STIM1: variants seen among roughly 807,000 people sequenced by gnomAD.
The protein encoded by STIM1 is stromal interaction molecule 1.
A neutral mutation model predicts 74.7 loss-of-function variants in STIM1; 25 were observed. The observed-to-expected ratio is 0.33, with a 90% confidence interval of 0.24 to 0.47. The LOEUF (loss-of-function observed/expected upper bound fraction) is 0.47. Among genes scored for constraint, STIM1 ranks in the 20% least tolerant of loss-of-function variants. The pLI is 1.00. For synonymous variants in STIM1, 328 were observed against 348.8 expected, an observed-to-expected ratio of 0.94 and a Z score of 0.66; for missense variants, 728 against 920.8, an observed-to-expected ratio of 0.79 and a Z score of 2.71.
intron 3 of STIM1, among the ~76,000 whole-genome samples, chr11:4,027,436 C>T (rs1459149708): frequency 3.3e-5 from 5 of 152,044 alleles, no homozygotes; most frequent in Admixed American, 6.6e-5. Context: ...CTCAGCCTCC[C>T]GAGTAGCTGG....
intron 3 of STIM1, among the ~76,000 whole-genome samples, chr11:4,032,260 G>A (rs1437270589): frequency 6.6e-6 from 1 of 152,162 alleles, no homozygotes; most frequent in Non-Finnish European, 1.5e-5. Context: ...GGTGAAAACT[G>A]CTTGAGCCCA....
chr11:3,937,892 CT>C (rs920687330), intron 1 of STIM1, among the ~76,000 whole-genome samples: 6 of 151,820 alleles, frequency 4.0e-5, no homozygotes, highest in African/African-American at 7.3e-5. Context: ...GTGTCCCCCC[CT>C]ACCTTTAACT....
rs145365706 is a variant in STIM1, at chr11:3,908,934, T to A, written c.139+52525T>A. ...TGTGTGAGTTCTTCCTGTGCACCAT[T>A]TGACCCATATTTGGCTTGCATACAC... On this transcript the variant is annotated intron_variant, in intron 1 of 12. Transcript: ENST00000526596. Among the ~76,000 whole-genome samples, 297 of 152,322 alleles carry A rather than the reference T, an allele frequency of 1.9e-3. 2 individuals are homozygous for A. Among genetic ancestry groups the A allele is most frequent in the Non-Finnish European group, 3.5e-3 (239 of 68,026 alleles).
intron 1 of STIM1, among the ~76,000 whole-genome samples, chr11:3,953,780 CT>C (rs201952182): frequency 1.5e-5 from 2 of 131,090 alleles, no homozygotes; most frequent in African/African-American, 5.4e-5. Context: ...TGATCTTCTT[CT>C]TTCTTTTTTT....
chr11:4,026,812 C>T (rs1037954922), intron 3 of STIM1, among the ~76,000 whole-genome samples: 3 of 152,194 alleles, frequency 2.0e-5, no homozygotes, highest in African/African-American at 7.2e-5. Context: ...CAGGACACAT[C>T]TCCATTTCCA....
chr11:3,884,368 C>G (rs990520282), intron 1 of STIM1, among the ~76,000 whole-genome samples: 4 of 152,080 alleles, frequency 2.6e-5, no homozygotes, highest in Non-Finnish European at 5.9e-5. Flanking sequence ...TTTCCCTTTC[C>G]CAAGTTGAGA....
intron 1 of STIM1, among the ~76,000 whole-genome samples, chr11:3,877,237 G>GAAC (rs2091333575): frequency 7.2e-6 from 1 of 139,194 alleles, no homozygotes. Context: ...TCTTCCTACA[G>GAAC]AACAACATTA....
intron 5 of STIM1, among the ~76,000 whole-genome samples, chr11:4,065,280 A>G (rs1232716546): frequency 6.6e-6 from 1 of 152,174 alleles, no homozygotes; most frequent in African/African-American, 2.4e-5. Flanking sequence ...GAAAGTCCCC[A>G]GTGAGCAGGA....
chr11:4,046,107 C>G (rs1293115537), intron 3 of STIM1, among the ~76,000 whole-genome samples: 1 of 140,718 alleles, frequency 7.1e-6, no homozygotes, highest in Non-Finnish European at 1.5e-5. Flanking sequence ...GTCTGTCGCC[C>G]AGGCTGGAGT....
intron 1 of STIM1, among the ~76,000 whole-genome samples, chr11:3,860,150 A>G (rs1006677148): frequency 6.6e-6 from 1 of 152,240 alleles, no homozygotes; most frequent in Admixed American, 6.5e-5. Flanking sequence ...ACAGGATGCT[A>G]TCATGGAGAA....
intron 1 of STIM1, among the ~76,000 whole-genome samples, chr11:3,916,484 C>T (rs1410027180): frequency 1.4e-5 from 2 of 146,924 alleles, no homozygotes; most frequent in Non-Finnish European, 3.0e-5. Context: ...AAGTCTCACT[C>T]TTGTCCCCCA....
rs2094527596 is a variant in STIM1, at chr11:4,091,919, G to T, written c.*121G>T. 1.4e-6 allele frequency: 2 copies of T among 1,382,672 alleles called. No individual in the cohort carries two copies. Among genetic ancestry groups the T allele is most frequent in the South Asian group, 2.4e-5 (2 of 81,876 alleles). 85.7% of individuals were successfully genotyped at this position (1,382,672 alleles called of 1,614,324 possible). ...GGGGCATGGGAAGGGCTGGTCCAGG[G>T]GTCTGGGCACTGTACATACCTGCCC... On this transcript the variant is annotated 3_prime_UTR_variant, in exon 13 of 13. Coordinates refer to ENST00000526596, the MANE Select transcript of STIM1 (RefSeq NM_001382567.1).
intron 1 of STIM1, among the ~76,000 whole-genome samples, chr11:3,957,163 T>C (rs2093225538): frequency 6.6e-6 from 1 of 152,224 alleles, no homozygotes; most frequent in African/African-American, 2.4e-5. Flanking sequence ...TAAGGCCATA[T>C]GAGGTGCAAA....
At chr11:3,965,156 T>C (rs2093327725) in intron 1 of STIM1, among the ~76,000 whole-genome samples, 1 of 152,264 alleles carries the variant, frequency 6.6e-6, no homozygotes, top group South Asian at 2.1e-4. Flanking sequence ...AATAAAGTTT[T>C]ATTAGAACAC....
intron 1 of STIM1, among the ~76,000 whole-genome samples, chr11:3,888,307 T>G: frequency 6.6e-6 from 1 of 152,166 alleles, no homozygotes; most frequent in East Asian, 1.9e-4. Context: ...AGGTGAATGA[T>G]TGAGATGCTT....
chr11:3,863,341 G>A (rs562517093), intron 1 of STIM1, among the ~76,000 whole-genome samples: 1 of 148,706 alleles, frequency 6.7e-6, no homozygotes, highest in African/African-American at 2.5e-5. Flanking sequence ...CTGTTGCCTC[G>A]ACCTTCCTGG....
At chr11:3,935,298 C>T (rs2092919294) in intron 1 of STIM1, among the ~76,000 whole-genome samples, 1 of 152,196 alleles carries the variant, frequency 6.6e-6, no homozygotes, top group Admixed American at 6.5e-5. Flanking sequence ...AGGACTAGTT[C>T]AAGGTTGGGT....
At chr11:3,982,484 C>G (rs1048967207) in intron 2 of STIM1, among the ~76,000 whole-genome samples, 1 of 152,210 alleles carries the variant, frequency 6.6e-6, no homozygotes, top group African/African-American at 2.4e-5. Flanking sequence ...ATTTCTACTT[C>G]TTTAACTCGT....
intron 1 of STIM1, among the ~76,000 whole-genome samples, chr11:3,890,089 A>C (rs1422426328): frequency 6.6e-6 from 1 of 152,052 alleles, no homozygotes; most frequent in Non-Finnish European, 1.5e-5. Flanking sequence ...TTACTTTTTC[A>C]TCAAGATTGC....
Sources: gnomAD v4.1 joint callset for allele counts (sites outside exome capture counted in the v4.1 genomes callset) on GRCh38, gnomAD v4.1.1 for gene constraint, MANE v1.5 for transcripts, NCBI Gene and HGNC (gene_info 2026-07-23, HGNC 2026-07-21) for gene names.